Variants in MYO9B observed in about 807,000 individuals in gnomAD.
The protein encoded by MYO9B is unconventional myosin-IXb.
MYO9B carries 71 observed loss-of-function variants against 229.5 expected under a neutral mutation model. The observed-to-expected ratio is 0.31, with a 90% CI of 0.26 to 0.38. MYO9B has a LOEUF of 0.38. MYO9B is among the 10% of genes least tolerant of loss of function. The pLI, the probability that MYO9B is intolerant of heterozygous loss-of-function variation, is 1.00. For missense variants in MYO9B, 2,255 were observed against 2,920.5 expected (o/e 0.77, Z 5.25); for synonymous variants, 1,185 against 1,235.8 (o/e 0.96, Z 0.86).
intron 2 of MYO9B, among the ~76,000 whole-genome samples, chr19:17,105,294 C>G (rs1250622723): frequency 8.8e-6 from 1 of 114,028 alleles, no homozygotes; most frequent in Admixed American, 1.2e-4. Flanking sequence ...TCAGCCTGGG[C>G]AACATAACAA....
intron 2 of MYO9B, among the ~76,000 whole-genome samples, chr19:17,127,442 T>A (rs1230555979): frequency 4.2e-5 from 6 of 143,596 alleles, no homozygotes; most frequent in South Asian, 2.3e-4. Flanking sequence ...TTCTCCTGCC[T>A]CAGCCTCCCG....
intron 20 of MYO9B, among the ~76,000 whole-genome samples, chr19:17,191,587 G>A (rs997230884): frequency 7.9e-5 from 12 of 152,110 alleles, no homozygotes; most frequent in Non-Finnish European, 1.5e-4. Context: ...CCATCTCTGG[G>A]CATGTGTTTG....
intron 24 of MYO9B, among the ~76,000 whole-genome samples, 153 bp downstream of exon 24, chr19:17,198,461 G>A (rs1349420923): frequency 6.6e-6 from 1 of 152,194 alleles, no homozygotes; most frequent in Non-Finnish European, 1.5e-5. Flanking sequence ...GGGAGGCCAG[G>A]CAGTGGCTCA....
chr19:17,169,345 C>T lies in MYO9B; in HGVS notation c.1793+1281C>T, dbSNP rs185592490. Among the ~76,000 whole-genome samples the T allele has an allele frequency of 3.7e-5, 5 of 134,036 alleles. No homozygotes were observed. The East Asian group carries it at 1.2e-3, about 31-fold the overall frequency. 87.9% of individuals were successfully genotyped at this position (134,036 alleles called of 152,430 possible). On this transcript the variant is annotated intron_variant, in intron 11 of 39. Coordinates refer to ENST00000682292, the MANE Select transcript of MYO9B (RefSeq NM_004145.4). ...GGAGATCACTCCATTGCACTCCAGC[C>T]TGGGTGACAGACCAAGACTCTGTCT...
At position 17,186,011 on chromosome 19, in the gene MYO9B, T is replaced by C. The variant is rs1199204548; in HGVS notation, c.2577+10T>C. 6.2e-7 allele frequency: 1 copy of C among 1,613,042 alleles called. No individual in the cohort carries two copies. Among genetic ancestry groups the C allele is most frequent in the South Asian group, 1.1e-5 (1 of 91,046 alleles). On this transcript the variant is annotated intron_variant, in intron 18 of 39. Coordinates refer to ENST00000682292, the MANE Select transcript of MYO9B (RefSeq NM_004145.4). Reference sequence around the variant, plus strand: ...TTCCAATGCTGAAAAGGTGAGTTTCTCTAAGGTGTTTGGGAGGAGAAGGCC... The same window carrying C: ...TTCCAATGCTGAAAAGGTGAGTTTCCCTAAGGTGTTTGGGAGGAGAAGGCC...
intron 2 of MYO9B, among the ~76,000 whole-genome samples, chr19:17,118,404 C>G (rs1281627923): frequency 6.6e-6 from 1 of 151,824 alleles, no homozygotes; most frequent in African/African-American, 2.4e-5. Flanking sequence ...GAGTTCGAGA[C>G]CAGCATGACA....
At chr19:17,113,568 G>A (rs1011368307) in intron 2 of MYO9B, among the ~76,000 whole-genome samples, 1 of 152,198 alleles carries the variant, frequency 6.6e-6, no homozygotes, top group African/African-American at 2.4e-5. Flanking sequence ...GTGGAAGACA[G>A]GGTGGTGCAA....
Position 17,134,721 on chromosome 19 carries a change from A to G in MYO9B, c.841-10676A>G, listed in dbSNP as rs566695020. ...CTTTTTTATGGCCAAATACTATTCCATAGTGTATATAAACCACAGTTTCTT... is the reference window on the plus strand; with the variant it reads ...CTTTTTTATGGCCAAATACTATTCCGTAGTGTATATAAACCACAGTTTCTT... On this transcript the variant is annotated intron_variant, in intron 2 of 39. Coordinates refer to ENST00000682292, the MANE Select transcript of MYO9B (RefSeq NM_004145.4). Among the ~76,000 whole-genome samples the G allele has an allele frequency of 4.8e-4, 72 of 150,948 alleles. 1 individual carries two copies. The South Asian group carries it at 0.015, about 31-fold the overall frequency.
chr19:17,205,599 G>A (rs543531704), intron 31 of MYO9B, among the ~76,000 whole-genome samples: 4 of 152,326 alleles, frequency 2.6e-5, no homozygotes, highest in Non-Finnish European at 1.5e-5. Flanking sequence ...CCTGAGCCAT[G>A]CAGAGGGAGG....
rs1044276561 is a variant in MYO9B, at chr19:17,102,500, G to T, written c.783G>T (p.Gln261His). Residue 261 changes from glutamine (Q) to histidine (H), a missense_variant, in exon 2 of 40, where the codon CAG (glutamine) becomes CAT (histidine). Transcript: ENST00000682292. ...TCCACTGCCTCACCGCCCTCAGCCAGAAGGGCTACGCCAGCGGCGTCGAGA... is the reference window on the plus strand; with the variant it reads ...TCCACTGCCTCACCGCCCTCAGCCATAAGGGCTACGCCAGCGGCGTCGAGA... Reference protein sequence around the residue: ...FLIHCLTALSQKGYASGVERT... With the variant: ...FLIHCLTALSHKGYASGVERT... 3 of 1,613,216 alleles carry T rather than the reference G, an allele frequency of 1.9e-6. No individual in the cohort carries two copies. Among genetic ancestry groups the T allele is most frequent in the Non-Finnish European group, 8.5e-7 (1 of 1,179,658 alleles).
chr19:17,188,917 G>A (rs2072949516), intron 19 of MYO9B, among the ~76,000 whole-genome samples: 2 of 151,624 alleles, frequency 1.3e-5, no homozygotes, highest in South Asian at 2.1e-4. Context: ...GGAGGCCAAG[G>A]CAGGTGGATC....
intron 23 of MYO9B, 53 bp from the exon 24 acceptor site, chr19:17,198,131 A>G: frequency 6.2e-7 from 1 of 1,607,518 alleles, no homozygotes; most frequent in Non-Finnish European, 8.5e-7. Flanking sequence ...TTCCCCATCT[A>G]GCACAGGACT....
chr19:17,128,629 A>G (rs537002405), intron 2 of MYO9B, among the ~76,000 whole-genome samples: 1 of 152,340 alleles, frequency 6.6e-6, no homozygotes, highest in African/African-American at 2.4e-5. Flanking sequence ...GGCTTGAGCC[A>G]CCGGCGCTCA....
At chr19:17,182,860 A>T (rs1043047506) in intron 15 of MYO9B, among the ~76,000 whole-genome samples, 1 of 152,168 alleles carries the variant, frequency 6.6e-6, no homozygotes, top group Non-Finnish European at 1.5e-5. Context: ...GCAAGATTCC[A>T]TAAGGTGTCT....
intron 1 of MYO9B, among the ~76,000 whole-genome samples, chr19:17,093,341 A>G (rs2057656378): frequency 1.3e-5 from 2 of 152,108 alleles, no homozygotes; most frequent in Admixed American, 1.3e-4. Flanking sequence ...TCAAAAAAAA[A>G]AAAAGAAAAA....
intron 6 of MYO9B, 74 bp downstream of exon 6, chr19:17,154,489 G>T: frequency 8.5e-7 from 1 of 1,183,260 alleles, no homozygotes; most frequent in South Asian, 1.4e-5. Flanking sequence ...CAGTCACTCT[G>T]AGGTCTAACC....
At chr19:17,113,982 G>A (rs1300298882) in intron 2 of MYO9B, among the ~76,000 whole-genome samples, 2 of 152,082 alleles carry the variant, frequency 1.3e-5, no homozygotes, top group East Asian at 3.9e-4. Flanking sequence ...ATGTGGGCTG[G>A]ATCATTCCGT....
rs1359798791 is a variant in MYO9B, at chr19:17,192,834, T to A, written c.2900T>A (p.Phe967Tyr). The change falls in exon 21 of 40, where the codon TTC becomes TAC. Residue 967 changes from phenylalanine to tyrosine, a missense_variant. Coordinates refer to ENST00000682292, the MANE Select transcript of MYO9B (RefSeq NM_004145.4). ...AAAATCCTGCTGCTGCAGAGCTGGT[T>A]CCGGATGGTGCTGGAGCGTCGGCAC... ...VRKILLLQSW[F>Y]RMVLERRHFL... 1.3e-6 allele frequency: 2 copies of A among 1,554,106 alleles called. No individual in the cohort carries two copies. Among genetic ancestry groups the A allele is most frequent in the Non-Finnish European group, 1.7e-6 (2 of 1,149,262 alleles).
chr19:17,091,790 G>A (rs529531989), intron 1 of MYO9B, among the ~76,000 whole-genome samples: 48 of 152,280 alleles, frequency 3.2e-4, no homozygotes, highest in African/African-American at 1.1e-3. Flanking sequence ...AGCCCTGGCT[G>A]CTCAGCAGCC....
Sources: gnomAD v4.1 joint callset for allele counts (sites outside exome capture counted in the v4.1 genomes callset) on GRCh38, gnomAD v4.1.1 for gene constraint, MANE v1.5 for transcripts, NCBI Gene and HGNC (gene_info 2026-07-23, HGNC 2026-07-21) for gene names.